Variants in PAXIP1 observed in about 807,000 individuals in gnomAD.
The protein encoded by PAXIP1 is PAX interacting protein 1.
A neutral mutation model predicts 140.6 loss-of-function variants in PAXIP1; 19 were observed. The observed-to-expected ratio is 0.14, with a 90% CI of 0.09 to 0.20. The LOEUF (loss-of-function observed/expected upper bound fraction) is 0.20. PAXIP1 is among the 10% of genes least tolerant of loss of function. The probability of loss-of-function intolerance (pLI) is 1.00; values close to 1 mark genes in which losing one functional copy is unlikely to be tolerated. For synonymous variants in PAXIP1, 442 were observed against 444.6 expected, an observed-to-expected ratio of 0.99 and a Z score of 0.07; for missense variants, 920 against 1,208.6, an observed-to-expected ratio of 0.76 and a Z score of 3.54.
chr7:154,963,678 T>A lies in PAXIP1; in HGVS notation c.1982A>T (p.Tyr661Phe), dbSNP rs1186137280. 5.0e-6 allele frequency: 8 copies of A among 1,611,676 alleles called. No individual in the cohort carries two copies. Among genetic ancestry groups the A allele is most frequent in the Non-Finnish European group, 5.9e-6 (7 of 1,178,376 alleles). ...TAAGGCTATTTTCCTTACCTGTGCA[T>A]ACGCGCTGCTGACTTGACTCTCACA... ...LLCESQVSSA[Y>F]AQAIRERKRC... The change falls in exon 9 of 21, where the codon TAT becomes TTT. Residue 661 changes from tyrosine (Y) to phenylalanine (F), a missense_variant. Tyr to Phe is a conservative substitution (Grantham distance 22). Coordinates refer to ENST00000404141, the MANE Select transcript of PAXIP1 (RefSeq NM_007349.4). The surrounding 1 kb of genome is among the most constrained non-coding windows in gnomAD (Gnocchi z 4.1).
rs1466312372 is a variant in PAXIP1 at position 154,956,254 on chromosome 7, A to AT, written c.2550-624dup. Among the ~76,000 whole-genome samples the AT allele has an allele frequency of 2.0e-5, 3 of 152,162 alleles. No individual in the cohort carries two copies. Among genetic ancestry groups the AT allele is most frequent in the African/African-American group, 7.2e-5 (3 of 41,434 alleles). ...TATTTTCTGAGACAGTCCAATAAAAATTTATTTTAAAATGTATTTGTGGTA... is the reference window on the plus strand; with the variant it reads ...TATTTTCTGAGACAGTCCAATAAAAATTTTATTTTAAAATGTATTTGTGGTA... On this transcript the variant is annotated intron_variant, in intron 14 of 20. Transcript: ENST00000404141. This position sits in a 1 kb window ranked among gnomAD's most constrained non-coding sequence, Gnocchi z 4.2.
At chr7:154,984,894 C>T (rs530996144) in intron 4 of PAXIP1, among the ~76,000 whole-genome samples, 3 of 152,228 alleles carry the variant, frequency 2.0e-5, no homozygotes, top group Non-Finnish European at 2.9e-5. Context: ...GTCCTATACC[C>T]TATTTGGCCT....
Position 154,991,073 on chromosome 7 carries a change from T to C in PAXIP1, c.261-4A>G. The C allele has an allele frequency of 6.8e-7, 1 of 1,470,204 alleles. No individual in the cohort carries two copies. Among genetic ancestry groups the C allele is most frequent in the Non-Finnish European group, 9.2e-7 (1 of 1,083,096 alleles). The allele number at this position is 1,470,204 out of a possible 1,614,324, so 91.1% of individuals were successfully genotyped here. A position where few individuals can be genotyped will look rare whatever the true frequency, so the allele number is the denominator to read the frequency against. On this transcript the variant is annotated splice_region_variant and splice_polypyrimidine_tract_variant and intron_variant, in intron 3 of 20. Coordinates refer to ENST00000404141, the MANE Select transcript of PAXIP1 (RefSeq NM_007349.4). ...TTCTGGAGAAAAACCATTTACTCTG[T>C]TTTATAGTTATTAAGATTACAATGA...
chr7:154,979,873 A>G (rs1011693404), intron 5 of PAXIP1, among the ~76,000 whole-genome samples: 2 of 152,264 alleles, frequency 1.3e-5, no homozygotes, highest in Middle Eastern at 3.4e-3. Context: ...GGAATGAAAC[A>G]CTATTGCCTT....
At position 154,946,089 on chromosome 7, in the gene PAXIP1, T is replaced by C. The variant is rs528294556; in HGVS notation, c.3194+276A>G. The C allele has an allele frequency of 1.1e-5, 11 of 975,252 alleles. No individual in the cohort carries two copies. The East Asian group carries it at 1.1e-3, about 101-fold the overall frequency. The allele number at this position is 975,252 out of a possible 1,614,324, so 60.4% of individuals were successfully genotyped here. A position where few individuals can be genotyped will look rare whatever the true frequency, so the allele number is the denominator to read the frequency against. ...TGCAATTATTTTCTATTTTATCTAATTGTCAAATTCTTTAATACCTCCATA... is the reference window on the plus strand; with the variant it reads ...TGCAATTATTTTCTATTTTATCTAACTGTCAAATTCTTTAATACCTCCATA... On this transcript the variant is annotated intron_variant, in intron 20 of 20. Transcript: ENST00000404141. The surrounding 1 kb of genome is among the most constrained non-coding windows in gnomAD (Gnocchi z 4.9).
intron 5 of PAXIP1, among the ~76,000 whole-genome samples, chr7:154,981,805 C>A (rs1809854483): frequency 1.3e-5 from 2 of 151,998 alleles, no homozygotes; most frequent in Admixed American, 6.6e-5. Context: ...TAAAAGATTC[C>A]ATTTTTAGCT....
At position 154,954,178 on chromosome 7, in the gene PAXIP1, G is replaced by T; in HGVS notation, c.2821+77C>A. ...TAGTTTAAAAATTAAATATTTGTTG[G>T]GATGAAAAGAGATGAATTCAAGAAA... On this transcript the variant is annotated intron_variant, in intron 16 of 20. Transcript: ENST00000404141. The surrounding 1 kb of genome is among the most constrained non-coding windows in gnomAD (Gnocchi z 5.1). 1.0e-6 allele frequency: 1 copy of T among 979,496 alleles called. No individual in the cohort carries two copies. The highest frequency in any genetic ancestry group is 1.4e-6 in the Non-Finnish European group (1 of 706,250). The allele number at this position is 979,496 out of a possible 1,614,324, so 60.7% of individuals were successfully genotyped here.
chr7:154,991,386 A>G (rs1180069146), intron 3 of PAXIP1, among the ~76,000 whole-genome samples: 1 of 152,236 alleles, frequency 6.6e-6, no homozygotes, highest in Non-Finnish European at 1.5e-5. Flanking sequence ...ATATATAAAC[A>G]CACACATGCC....
Position 154,963,832 on chromosome 7 carries a change from A to C in PAXIP1, c.1894-66T>G, listed in dbSNP as rs1808877023. On this transcript the variant is annotated intron_variant, in intron 8 of 20. Coordinates refer to ENST00000404141, the MANE Select transcript of PAXIP1 (RefSeq NM_007349.4). This position sits in a 1 kb window ranked among gnomAD's most constrained non-coding sequence, Gnocchi z 4.1. ...AGAATAGAGGAGAATTCCAATTTCA[A>C]ATAAGGCAGCTATTAAAAGACTCTA... 2 of 1,049,424 alleles carry C rather than the reference A, an allele frequency of 1.9e-6. No individual in the cohort carries two copies. The highest frequency in any genetic ancestry group is 3.9e-5 in the Admixed American group (2 of 51,922). The allele number at this position is 1,049,424 out of a possible 1,614,324, so 65.0% of individuals were successfully genotyped here.
intron 12 of PAXIP1, 112 bp downstream of exon 12, chr7:154,960,781 C>G: frequency 1.4e-6 from 1 of 707,766 alleles, no homozygotes; most frequent in Non-Finnish European, 2.2e-6. Flanking sequence ...GAGTCAAAAA[C>G]TAATTAGAAA....
chr7:154,998,954 G>A (rs1342436392), intron 1 of PAXIP1, among the ~76,000 whole-genome samples, 170 bp from the exon 2 acceptor site: 6 of 152,130 alleles, frequency 3.9e-5, no homozygotes, highest in African/African-American at 1.2e-4. Flanking sequence ...TGAAACTTTC[G>A]GGGACAATCA....
rs1286091174 is a variant in PAXIP1, at chr7:154,968,578, G to C, written c.1623C>G (p.His541Gln). ...QIQQQQLQRMHQQQQQQQMQS... is the reference protein window; with the variant it reads ...QIQQQQLQRMQQQQQQQQMQS... Reference sequence around the variant, plus strand: ...GCATCTGCTGCTGCTGCTGCTGCTGGTGCATGCGCTGGAGCTGCTGCTGCT... The same window carrying C: ...GCATCTGCTGCTGCTGCTGCTGCTGCTGCATGCGCTGGAGCTGCTGCTGCT... The change falls in exon 7 of 21, where the codon CAC becomes CAG. Residue 541 changes from histidine to glutamine, a missense_variant. This residue lies in a region of PAXIP1 where 133 missense variants were observed against 88.4 expected (regional missense o/e 1.50). Transcript: ENST00000404141. The C allele has an allele frequency of 9.8e-6, 7 of 717,566 alleles. No homozygotes were observed. The highest frequency in any genetic ancestry group is 7.7e-6 in the Non-Finnish European group (3 of 387,200). The allele number at this position is 717,566 out of a possible 1,614,324, so 44.4% of individuals were successfully genotyped here.
chr7:154,988,357 A>G (rs142974070), intron 4 of PAXIP1, among the ~76,000 whole-genome samples: 36 of 152,286 alleles, frequency 2.4e-4, no homozygotes, highest in African/African-American at 8.2e-4. Flanking sequence ...ATCCTTCCTA[A>G]GCTCATAGAA....
At chr7:154,951,060 C>A (rs918140296) in intron 16 of PAXIP1, 1 of 152,284 alleles carries the variant, frequency 6.6e-6, no homozygotes, top group Non-Finnish European at 1.5e-5. Flanking sequence ...CATGTCCTTA[C>A]ACATTTGTTA....
rs907197587 is a variant in PAXIP1, at chr7:154,986,132, G to A, written c.325-2800C>T. ...AGCTCCCTTCCCTACCTCTCCCTGG[G>A]AGAGCTCTGGAAGACTCCAACAAAG... On this transcript the variant is annotated intron_variant, in intron 4 of 20. Transcript: ENST00000404141. This position sits in a 1 kb window ranked among gnomAD's most constrained non-coding sequence, Gnocchi z 4.8. The A allele has an allele frequency of 7.3e-7, 1 of 1,362,894 alleles. No homozygotes were observed. The highest frequency in any genetic ancestry group is 9.8e-7 in the Non-Finnish European group (1 of 1,020,466). The allele number at this position is 1,362,894 out of a possible 1,614,324, so 84.4% of individuals were successfully genotyped here.
intron 3 of PAXIP1, among the ~76,000 whole-genome samples, chr7:154,991,535 G>T (rs1810331418): frequency 6.6e-6 from 1 of 152,214 alleles, no homozygotes; most frequent in Non-Finnish European, 1.5e-5. Flanking sequence ...TTGAGCTCTA[G>T]TTTTATTATC....
chr7:154,974,989 A>G (rs1809501966), intron 6 of PAXIP1, among the ~76,000 whole-genome samples: 1 of 111,422 alleles, frequency 9.0e-6, no homozygotes, highest in South Asian at 3.4e-4. Flanking sequence ...TACTAAAAAT[A>G]CAAAAAAAAA....
intron 10 of PAXIP1, among the ~76,000 whole-genome samples, chr7:154,961,959 C>T (rs768114276): frequency 5.3e-5 from 8 of 152,242 alleles, no homozygotes; most frequent in South Asian, 2.1e-4. Flanking sequence ...CCAGCTCCTC[C>T]TTCTCCTCAC....
At chr7:154,998,861 G>C (rs796392827) in intron 1 of PAXIP1, 77 bp from the exon 2 acceptor site, 2 of 1,238,832 alleles carry the variant, frequency 1.6e-6, no homozygotes, top group African/African-American at 1.5e-5. Context: ...AATAATTATT[G>C]GGCATAATAG....
Sources: allele counts gnomAD v4.1 joint callset (sites outside exome capture counted in the v4.1 genomes callset), GRCh38; gene constraint gnomAD v4.1.1; regional missense constraint gnomAD v4.1.1; non-coding constraint Gnocchi (gnomAD v3.1); transcripts MANE v1.5; gene names NCBI Gene and HGNC (gene_info 2026-07-23, HGNC 2026-07-21).